The following KLRG1 variants were observed in gnomAD, a reference collection of about 807,000 sequenced individuals.
KLRG1 encodes the protein killer cell lectin like receptor G1.
A neutral mutation model predicts 21.8 loss-of-function variants in KLRG1; 16 were observed. The ratio of observed to expected loss-of-function variants is 0.73; its 90% CI spans 0.50 to 1.11. The LOEUF (loss-of-function observed/expected upper bound fraction) is 1.11, where lower values mean the gene tolerates loss of function less well. Among genes scored for constraint, KLRG1 ranks in the 50% most tolerant of loss-of-function variants. The probability of loss-of-function intolerance (pLI) is 0.00; values close to 1 mark genes in which losing one functional copy is unlikely to be tolerated. For missense variants in KLRG1, 173 were observed against 218.3 expected, an observed-to-expected ratio of 0.79 and a Z score of 1.31; for synonymous variants, 69 against 75.9, an observed-to-expected ratio of 0.91 and a Z score of 0.47.
At chr12:9,080,307 T>C in the KLRG1 span, 1 of 516,300 alleles carries the variant, frequency 1.9e-6, no homozygotes, top group Non-Finnish European at 3.5e-6. Context: ...CCGCCTTTAA[T>C]ACAACAGTAA....
the KLRG1 span, among the ~76,000 whole-genome samples, chr12:9,148,286 C>A: frequency 9.9e-5 from 15 of 152,224 alleles, no homozygotes; most frequent in East Asian, 1.9e-3. Flanking sequence ...ACTGTAGCCA[C>A]CATGTCTCTT....
At chr12:9,206,174 T>C in the KLRG1 span, among the ~76,000 whole-genome samples, 4 of 152,202 alleles carry the variant, frequency 2.6e-5, no homozygotes, top group African/African-American at 9.6e-5. Context: ...GCATAATAAA[T>C]AATAAAAATG....
chr12:9,194,525 C>T, the KLRG1 span, among the ~76,000 whole-genome samples: 4 of 139,950 alleles, frequency 2.9e-5, no homozygotes, highest in South Asian at 2.3e-4. Context: ...AGTGCAGTGG[C>T]GCGATCTCGG....
the KLRG1 span, chr12:9,192,596 A>G: frequency 3.7e-6 from 6 of 1,614,086 alleles, no homozygotes; most frequent in South Asian, 3.3e-5. Flanking sequence ...CCGTGTGGCC[A>G]CAGGGCAGGG....
the KLRG1 span, chr12:9,168,829 T>C: frequency 1.4e-6 from 2 of 1,464,814 alleles, no homozygotes; most frequent in African/African-American, 2.8e-5. Context: ...AGTAATATTG[T>C]TGGACATGAA....
chr12:9,154,671 A>G, the KLRG1 span: 506 of 1,614,108 alleles, frequency 3.1e-4, 3 homozygotes, highest in South Asian at 5.4e-3. Context: ...CCACTTCACA[A>G]TGTTAGTTGC....
the KLRG1 span, among the ~76,000 whole-genome samples, chr12:9,207,946 A>G: frequency 6.6e-6 from 1 of 152,208 alleles, no homozygotes; most frequent in Non-Finnish European, 1.5e-5. Flanking sequence ...TTCACTATAT[A>G]TTTCGAATAT....
the KLRG1 span, among the ~76,000 whole-genome samples, chr12:9,094,678 T>C: frequency 6.6e-6 from 1 of 152,092 alleles, no homozygotes; most frequent in African/African-American, 2.4e-5. Flanking sequence ...TTTGGGGAAG[T>C]TGAACAGCTT....
At chr12:9,102,939 G>C in the KLRG1 span, among the ~76,000 whole-genome samples, 1 of 151,972 alleles carries the variant, frequency 6.6e-6, no homozygotes, top group Non-Finnish European at 1.5e-5. Context: ...AAAGAGGCAG[G>C]CGTTTTCCAT....
At chr12:9,069,697 A>T in the KLRG1 span, 1 of 1,459,730 alleles carries the variant, frequency 6.9e-7, no homozygotes, top group South Asian at 1.2e-5. Flanking sequence ...GTTCCCTTAG[A>T]GGATTATTAT....
chr12:9,147,330 A>G, the KLRG1 span, among the ~76,000 whole-genome samples: 1 of 152,138 alleles, frequency 6.6e-6, no homozygotes, highest in Non-Finnish European at 1.5e-5. Flanking sequence ...TCTGGGGAGA[A>G]CCCTCAGAAA....
At position 9,010,282 on chromosome 12, in the gene KLRG1, G is replaced by A; in HGVS notation, c.*745G>A. 1 of 407,012 alleles carries A rather than the reference G, an allele frequency of 2.5e-6. No individual in the cohort carries two copies. The highest frequency in any genetic ancestry group is 4.4e-6 in the Non-Finnish European group (1 of 228,936). 25.2% of individuals were successfully genotyped at this position (407,012 alleles called of 1,614,324 possible). On this transcript the variant is annotated 3_prime_UTR_variant, in exon 5 of 5. Coordinates refer to ENST00000356986, the MANE Select transcript of KLRG1 (RefSeq NM_005810.4). Reference sequence around the variant, plus strand: ...TCCTTCTGAGCTCTTCACACGTAATGCAAAAACCCGGTCTTAACTGATTTT... The same window carrying A: ...TCCTTCTGAGCTCTTCACACGTAATACAAAAACCCGGTCTTAACTGATTTT...
At chr12:8,996,161 A>ATG (rs368103228) in intron 3 of KLRG1, among the ~76,000 whole-genome samples, 26 of 151,106 alleles carry the variant, frequency 1.7e-4, no homozygotes, top group South Asian at 8.3e-4. Context: ...GTGCACGTGC[A>ATG]TGTGTGTGTG....
chr12:9,165,822 C>T, the KLRG1 span, among the ~76,000 whole-genome samples: 1 of 152,188 alleles, frequency 6.6e-6, no homozygotes, highest in Admixed American at 6.5e-5. Context: ...TTATAGTTCT[C>T]ATGTCTACTA....
chr12:9,209,073 C>T, the KLRG1 span, among the ~76,000 whole-genome samples: 2 of 151,266 alleles, frequency 1.3e-5, no homozygotes, highest in Non-Finnish European at 2.9e-5. Context: ...TTGAGCCATA[C>T]TGTGTGCTAA....
the KLRG1 span, among the ~76,000 whole-genome samples, chr12:9,189,598 A>G: frequency 6.6e-6 from 1 of 152,240 alleles, no homozygotes; most frequent in Non-Finnish European, 1.5e-5. Context: ...TTTCATGAAG[A>G]AGACACTAAA....
At chr12:9,053,104 A>T in the KLRG1 span, among the ~76,000 whole-genome samples, 1 of 152,128 alleles carries the variant, frequency 6.6e-6, no homozygotes, top group African/African-American at 2.4e-5. Context: ...TCCTCTGGGC[A>T]CTTCGGGTTC....
chr12:9,048,079 A>T, the KLRG1 span, among the ~76,000 whole-genome samples: 1 of 152,222 alleles, frequency 6.6e-6, no homozygotes, highest in Non-Finnish European at 1.5e-5. Context: ...ATTTTTCTCA[A>T]GCTCACATGG....
At chr12:8,955,388 T>C in intron 1 of KLRG1, among the ~76,000 whole-genome samples, 1 of 46,270 alleles carries the variant, frequency 2.2e-5, no homozygotes, top group Admixed American at 2.7e-4. Flanking sequence ...TTTTTTTTTT[T>C]TTTTTTTTTT....
Sources: allele counts gnomAD v4.1 joint callset (sites outside exome capture counted in the v4.1 genomes callset), GRCh38; gene constraint gnomAD v4.1.1; transcripts MANE v1.5; gene names NCBI Gene and HGNC (gene_info 2026-07-23, HGNC 2026-07-21).